Variants in SCLT1 observed in about 807,000 individuals in gnomAD.
SCLT1 encodes sodium channel-associated protein 1.
SCLT1 carries 78 observed loss-of-function variants against 112.8 expected under a neutral mutation model. The observed-to-expected ratio is 0.69, with a 90% CI of 0.58 to 0.83. The LOEUF is 0.83. Among genes scored for constraint, SCLT1 ranks in the 40% least tolerant of loss-of-function variants. The pLI is 0.00. For synonymous variants in SCLT1, 257 were observed against 254.7 expected (o/e 1.01, Z -0.09); for missense variants, 747 against 770.4 (o/e 0.97, Z 0.36).
At chr4:128,943,998 C>G (rs1016565890) in intron 16 of SCLT1, among the ~76,000 whole-genome samples, 4 of 152,078 alleles carry the variant, frequency 2.6e-5, no homozygotes, top group Non-Finnish European at 4.4e-5. Context: ...CAACTTTGAC[C>G]TGGTGGCAGT....
intron 13 of SCLT1, among the ~76,000 whole-genome samples, chr4:128,954,467 C>T (rs991626307): frequency 5.9e-5 from 9 of 152,074 alleles, no homozygotes; most frequent in African/African-American, 1.9e-4. Context: ...GCACCTGCCA[C>T]CACATCCAGC....
intron 19 of SCLT1, among the ~76,000 whole-genome samples, chr4:128,890,322 A>T (rs1365095724): frequency 1.3e-5 from 2 of 151,846 alleles, no homozygotes; most frequent in African/African-American, 4.8e-5. Context: ...CTTCTTTCAA[A>T]TTTTTTTTGT....
chr4:128,891,843 C>A (rs2125924597), intron 18 of SCLT1, among the ~76,000 whole-genome samples: 2 of 152,096 alleles, frequency 1.3e-5, no homozygotes, highest in South Asian at 2.1e-4. Flanking sequence ...CGGGGTTTCA[C>A]CATGTTGCCA....
At chr4:129,060,659 T>C (rs1408630213) in intron 2 of SCLT1, among the ~76,000 whole-genome samples, 1 of 152,096 alleles carries the variant, frequency 6.6e-6, no homozygotes, top group East Asian at 1.9e-4. Context: ...GCAGTGGTGG[T>C]ATGGATTGTT....
intron 5 of SCLT1, among the ~76,000 whole-genome samples, chr4:129,035,301 G>C (rs1747085837): frequency 6.6e-6 from 1 of 152,086 alleles, no homozygotes; most frequent in Non-Finnish European, 1.5e-5. Context: ...AAAGGGGAAG[G>C]CTTTCTTTTT....
chr4:128,975,411 C>T (rs75904487), intron 9 of SCLT1, among the ~76,000 whole-genome samples: 5,508 of 152,040 alleles, frequency 0.036, 172 homozygotes, highest in Non-Finnish European at 0.059. Context: ...GGATATAATA[C>T]TAGATTTAAA....
At chr4:128,943,953 G>A (rs1737925848) in intron 16 of SCLT1, among the ~76,000 whole-genome samples, 2 of 152,204 alleles carry the variant, frequency 1.3e-5, no homozygotes, top group South Asian at 2.1e-4. Context: ...TATTTTGCAA[G>A]CAGAAAAATA....
chr4:128,947,398 A>G (rs1389675569), intron 15 of SCLT1, among the ~76,000 whole-genome samples: 3 of 152,000 alleles, frequency 2.0e-5, no homozygotes, highest in East Asian at 1.9e-4. Flanking sequence ...TTTTGAACAC[A>G]TGTATTTTTT....
intron 2 of SCLT1, among the ~76,000 whole-genome samples, chr4:129,075,819 C>T (rs899145093): frequency 1.3e-5 from 2 of 152,126 alleles, no homozygotes. Flanking sequence ...TATTTGTTAA[C>T]TCATGAGCAA....
At chr4:129,017,889 G>GA (rs1745130719) in intron 5 of SCLT1, among the ~76,000 whole-genome samples, 1 of 152,232 alleles carries the variant, frequency 6.6e-6, no homozygotes, top group East Asian at 1.9e-4. Context: ...GTAAGTTCTG[G>GA]AAAAAAAGTC....
intron 3 of SCLT1, among the ~76,000 whole-genome samples, chr4:128,877,697 C>G (rs546988100): frequency 6.1e-4 from 92 of 151,824 alleles, no homozygotes; most frequent in African/African-American, 2.1e-3. Flanking sequence ...AAAAAAAGTT[C>G]ACACAAAGTA....
chr4:129,048,675 C>A (rs1202630191), intron 2 of SCLT1, among the ~76,000 whole-genome samples: 1 of 152,036 alleles, frequency 6.6e-6, no homozygotes, highest in Non-Finnish European at 1.5e-5. Flanking sequence ...AAGAAACTAC[C>A]CTCACAGTGA....
At chr4:128,932,479 G>T (rs1376785613) in intron 18 of SCLT1, among the ~76,000 whole-genome samples, 7 of 151,838 alleles carry the variant, frequency 4.6e-5, no homozygotes. Flanking sequence ...ACAATAAATG[G>T]TATATATGAC....
chr4:129,004,791 A>G (rs1219378386), intron 5 of SCLT1, among the ~76,000 whole-genome samples: 1 of 151,688 alleles, frequency 6.6e-6, no homozygotes, highest in Non-Finnish European at 1.5e-5. Context: ...AAATTCATCA[A>G]ATACAATAAA....
At chr4:128,977,021 A>G (rs1042943386) in intron 9 of SCLT1, among the ~76,000 whole-genome samples, 1 of 152,160 alleles carries the variant, frequency 6.6e-6, no homozygotes, top group Non-Finnish European at 1.5e-5. Context: ...TAAACCTGAC[A>G]TTTGTGAAAA....
chr4:128,978,422 A>C (rs1303313582), intron 9 of SCLT1, among the ~76,000 whole-genome samples: 3 of 152,044 alleles, frequency 2.0e-5, no homozygotes, highest in African/African-American at 7.3e-5. Flanking sequence ...TGGGGGAAGC[A>C]AAAGAAGCAA....
At chr4:129,067,288 T>C (rs1750579187) in intron 2 of SCLT1, among the ~76,000 whole-genome samples, 1 of 151,856 alleles carries the variant, frequency 6.6e-6, no homozygotes, top group Non-Finnish European at 1.5e-5. Flanking sequence ...ATTATAAGCA[T>C]TTTACCAACA....
chr4:129,051,209 C>T (rs1353701690), intron 2 of SCLT1, among the ~76,000 whole-genome samples: 2 of 152,096 alleles, frequency 1.3e-5, no homozygotes, highest in East Asian at 1.9e-4. Context: ...GCTATACAGG[C>T]TCTTTTTTGG....
At chr4:128,925,521 AC>A (rs1736227230) in intron 18 of SCLT1, among the ~76,000 whole-genome samples, 1 of 151,962 alleles carries the variant, frequency 6.6e-6, no homozygotes, top group South Asian at 2.1e-4. Context: ...ATGGGGTTTC[AC>A]CATGTTGGCC....
Sources: gnomAD v4.1 joint callset for allele counts (sites outside exome capture counted in the v4.1 genomes callset) on GRCh38, gnomAD v4.1.1 for gene constraint, MANE v1.5 for transcripts, NCBI Gene and HGNC (gene_info 2026-07-23, HGNC 2026-07-21) for gene names.